Variants in TSPAN19 observed in about 807,000 individuals in gnomAD.
TSPAN19 encodes the protein tetraspanin 19, also known as tetraspanin-19.
TSPAN19 carries 44 observed loss-of-function variants against 35.1 expected under a neutral mutation model. The ratio of observed to expected loss-of-function variants is 1.25; its 90% CI spans 0.98 to 1.61. TSPAN19 has a LOEUF of 1.61. Among genes scored for constraint, TSPAN19 ranks in the 40% most tolerant of loss-of-function variants. The pLI is 0.00. For synonymous variants in TSPAN19, 79 were observed against 92.0 expected (o/e 0.86, Z 0.81); for missense variants, 290 against 280.0 (o/e 1.04, Z -0.26).
chr12:85,027,788 A>T, intron 4 of TSPAN19, 111 bp downstream of exon 4: 1 of 1,086,564 alleles, frequency 9.2e-7, no homozygotes, highest in Non-Finnish European at 1.3e-6. Context: ...AATTACTCTA[A>T]GGACATACTC....
Position 85,019,723 on chromosome 12 carries a change from C to T in TSPAN19, c.353G>A (p.Trp118Ter), listed in dbSNP as rs1877017464. The change falls in exon 6 of 9, where the codon TGG (tryptophan) becomes TAG (stop). Residue 118 changes from tryptophan (W) to a stop codon, truncating the protein, a stop_gained. Coordinates refer to ENST00000532498, the MANE Select transcript of TSPAN19 (RefSeq NM_001100917.2). LOFTEE classifies it high-confidence loss of function. ...AATGACAAAATCAATTTTGTCATGC[C>T]ATAGTTGCTGAACCTGTAGAAAATT... Reference protein sequence around the residue: ...ITKKEEVQQLWHDKIDFVISE... With the variant: ...ITKKEEVQQL 6.2e-7 allele frequency: 1 copy of T among 1,600,642 alleles called. No individual in the cohort carries two copies. Among genetic ancestry groups the T allele is most frequent in the Non-Finnish European group, 8.5e-7 (1 of 1,172,344 alleles).
At chr12:85,027,830 T>G in intron 4 of TSPAN19, 69 bp downstream of exon 4, 1 of 1,423,734 alleles carries the variant, frequency 7.0e-7, no homozygotes, top group Non-Finnish European at 9.5e-7. Flanking sequence ...TAAATCAGTA[T>G]TCATTTGTGT....
chr12:85,023,178 T>G (rs1339573008), intron 5 of TSPAN19, 148 bp downstream of exon 5: 2 of 672,550 alleles, frequency 3.0e-6, no homozygotes, highest in Non-Finnish European at 5.0e-6. Context: ...CTTCCTATAC[T>G]CTAGTACTTT....
rs1323226091 is a variant in TSPAN19, at chr12:85,023,359, T to A, written c.306A>T (p.Val102=). The change falls in exon 5 of 9, where the codon GTA becomes GTT. Residue 102 remains valine (V), a synonymous_variant. Transcript: ENST00000532498. The part of the protein sequence containing the change: ...LITWTFAVQV[V]LSAFIITKKE... ...TCTTTGTGATGATGAATGCTGAAAG[T>A]ACAACCTGAACAGCAAAGGTCCATG... The A allele has an allele frequency of 1.3e-6, 2 of 1,589,360 alleles. No individual in the cohort carries two copies. Among genetic ancestry groups the A allele is most frequent in the Non-Finnish European group, 1.7e-6 (2 of 1,166,812 alleles).
intron 4 of TSPAN19, among the ~76,000 whole-genome samples, chr12:85,027,561 C>G (rs1014821491): frequency 1.3e-5 from 2 of 152,030 alleles, no homozygotes; most frequent in Admixed American, 6.6e-5. Flanking sequence ...CTACATTCCT[C>G]ATTGACTTGA....
chr12:85,016,726 C>A (rs1186129951), intron 7 of TSPAN19: 1 of 151,746 alleles, frequency 6.6e-6, no homozygotes, highest in Non-Finnish European at 1.5e-5. Flanking sequence ...GAATTTTCCA[C>A]TTAATATTTT....
At chr12:85,025,015 T>C (rs1375073816) in intron 4 of TSPAN19, among the ~76,000 whole-genome samples, 2 of 152,092 alleles carry the variant, frequency 1.3e-5, no homozygotes, top group African/African-American at 4.8e-5. Context: ...AAAAAAAAAT[T>C]CAGAGACAAA....
At chr12:85,020,832 GGTCTTTATTTTTTGGA>G (rs1338199653) in intron 5 of TSPAN19, among the ~76,000 whole-genome samples, 7 of 151,772 alleles carry the variant, frequency 4.6e-5, no homozygotes, top group South Asian at 2.1e-4. Flanking sequence ...TTTATTTTTT[GGTCTTTATTTTTTGGA>G]GTCTTTATTT....
chr12:85,017,714 G>T, intron 6 of TSPAN19, 115 bp from the exon 7 acceptor site: 1 of 720,762 alleles, frequency 1.4e-6, no homozygotes, highest in Non-Finnish European at 2.2e-6. Flanking sequence ...TTTTCCCCAT[G>T]AACATGTAAT....
In TSPAN19 at chr12:85,031,154, G is replaced by C. The variant is rs1268443748; in HGVS notation, c.-27-1181C>G. ...TCTCCCAGTGTTCTTCTCAGTTTACGGAGTCACTACAGGTTATATCTTCTA... is the reference window on the plus strand; with the variant it reads ...TCTCCCAGTGTTCTTCTCAGTTTACCGAGTCACTACAGGTTATATCTTCTA... On this transcript the variant is annotated intron_variant, in intron 1 of 8. Transcript: ENST00000532498. Among the ~76,000 whole-genome samples the C allele has an allele frequency of 2.0e-5, 3 of 152,090 alleles. No homozygotes were observed. The South Asian group carries it at 6.2e-4, about 32-fold the overall frequency.
chr12:85,015,787 T>C, intron 8 of TSPAN19, 101 bp downstream of exon 8: 2 of 809,520 alleles, frequency 2.5e-6, no homozygotes, highest in Non-Finnish European at 3.8e-6. Flanking sequence ...GGCTCTATTA[T>C]ATGAACTTAT....
At chr12:85,017,156 G>T (rs1434668202) in intron 7 of TSPAN19, 2 of 283,356 alleles carry the variant, frequency 7.1e-6, no homozygotes, top group East Asian at 2.1e-4. Context: ...TGACAGAAGT[G>T]CCTCCTCTTT....
At chr12:85,017,321 G>A (rs1876867576) in intron 7 of TSPAN19, 135 bp downstream of exon 7, 4 of 731,170 alleles carry the variant, frequency 5.5e-6, no homozygotes, top group South Asian at 3.5e-5. Context: ...TTCAACTTAG[G>A]GAAGTGGATT....
At chr12:85,028,617 T>C (rs991648073) in intron 3 of TSPAN19, among the ~76,000 whole-genome samples, 1 of 152,126 alleles carries the variant, frequency 6.6e-6, no homozygotes, top group Non-Finnish European at 1.5e-5. Flanking sequence ...GATAAATAAA[T>C]TAAACATGTG....
At chr12:85,021,786 C>G (rs1007681901) in intron 5 of TSPAN19, among the ~76,000 whole-genome samples, 1 of 152,038 alleles carries the variant, frequency 6.6e-6, no homozygotes, top group Non-Finnish European at 1.5e-5. Flanking sequence ...GCTCTGGGGT[C>G]AGCTAATGAG....
At chr12:85,023,240 G>A in intron 5 of TSPAN19, 86 bp downstream of exon 5, 14 of 1,133,242 alleles carry the variant, frequency 1.2e-5, no homozygotes, top group Non-Finnish European at 1.8e-5. Context: ...TTTAATATAG[G>A]ATCAATGGTC....
chr12:85,028,664 G>T (rs558790513), intron 3 of TSPAN19, among the ~76,000 whole-genome samples: 1 of 152,284 alleles, frequency 6.6e-6, no homozygotes, highest in Admixed American at 6.5e-5. Context: ...GCAGTAGTGT[G>T]CTGGAGTGAG....
At chr12:85,017,261 CT>C in intron 7 of TSPAN19, 194 bp downstream of exon 7, 1 of 520,616 alleles carries the variant, frequency 1.9e-6, no homozygotes, top group African/African-American at 2.0e-5. Flanking sequence ...AATTTATTTA[CT>C]TTACGTATTA....
intron 8 of TSPAN19, chr12:85,015,325 A>G (rs1471393877): frequency 2.0e-5 from 3 of 151,956 alleles, no homozygotes; most frequent in Non-Finnish European, 4.4e-5. Context: ...CCTTTAGGTC[A>G]TGGAATGTGT....
Sources: gnomAD v4.1 joint callset for allele counts (sites outside exome capture counted in the v4.1 genomes callset) on GRCh38, gnomAD v4.1.1 for gene constraint, MANE v1.5 for transcripts, NCBI Gene and HGNC (gene_info 2026-07-23, HGNC 2026-07-21) for gene names.